The following TSPAN1 variants were observed in gnomAD, a reference collection of about 807,000 sequenced individuals.
TSPAN1 encodes tetraspanin 1, also known as tetraspanin-1.
Under a neutral mutation model 26.9 loss-of-function variants are expected in TSPAN1, and 23 were observed. The ratio of observed to expected loss-of-function variants is 0.85; its 90% CI spans 0.62 to 1.21. The LOEUF is 1.21. Among genes scored for constraint, TSPAN1 ranks in the 50% most tolerant of loss-of-function variants. The pLI, the probability that TSPAN1 is intolerant of heterozygous loss-of-function variation, is 0.00. For synonymous variants in TSPAN1, 115 were observed against 114.8 expected, an observed-to-expected ratio of 1.00 and a Z score of -0.01; for missense variants, 283 against 298.4, an observed-to-expected ratio of 0.95 and a Z score of 0.38.
Position 46,185,835 on chromosome 1 carries a change from ATC to A in TSPAN1, c.*303_*304del. ...GATATGCCCCCTAGGCCTAGTGGTG[ATC>A]CCAGTGCTCTACTGGGGGATGAGAG... is the stretch of plus-strand genomic sequence containing the variant. On this transcript the variant is annotated 3_prime_UTR_variant, in exon 9 of 9. Coordinates refer to ENST00000372003, the MANE Select transcript of TSPAN1 (RefSeq NM_005727.4). 8.4e-6 allele frequency: 4 copies of A among 478,578 alleles called. No individual in the cohort carries two copies. The highest frequency in any genetic ancestry group is 1.1e-5 in the Non-Finnish European group (3 of 266,338). The allele number at this position is 478,578 out of a possible 1,614,324, so 29.6% of individuals were successfully genotyped here.
chr1:46,178,025 TA>T (rs1657222987), intron 1 of TSPAN1, among the ~76,000 whole-genome samples: 1 of 152,150 alleles, frequency 6.6e-6, no homozygotes, highest in African/African-American at 2.4e-5. Flanking sequence ...ACCAGGGCCA[TA>T]GATGAATGTA....
At chr1:46,187,133 A>C (rs1481012193), downstream of TSPAN1, among the ~76,000 whole-genome samples, 1 of 152,158 alleles carries the variant, frequency 6.6e-6, no homozygotes, top group Non-Finnish European at 1.5e-5. Context: ...CTTTAGCCCT[A>C]ACTATCCCTA....
downstream of TSPAN1, among the ~76,000 whole-genome samples, chr1:46,188,523 G>C (rs886088092): frequency 1.3e-5 from 2 of 152,180 alleles, no homozygotes; most frequent in Non-Finnish European, 2.9e-5. Context: ...AAAAACCTTG[G>C]AGTTTGAGAC....
the TSPAN1 span, chr1:46,195,419 G>C: frequency 2.7e-6 from 1 of 372,734 alleles, no homozygotes; most frequent in Non-Finnish European, 5.2e-6. Flanking sequence ...CTCCTTGCAG[G>C]GGCCTTCTCT....
Position 46,184,139 on chromosome 1 carries a change from G to A in TSPAN1, c.58-52G>A, listed in dbSNP as rs549417549. The A allele has an allele frequency of 2.9e-5, 46 of 1,589,548 alleles. 1 individual carries two copies. In the South Asian group the frequency reaches 4.4e-4, roughly 15 times the overall value. On this transcript the variant is annotated intron_variant, in intron 3 of 8. Transcript: ENST00000372003. Reference sequence around the variant, plus strand: ...ATCCTTCTTACTCAGCTGTGTGGTAGTAAGCTACTTGCCAGCACTGTTTAA... The same window carrying A: ...ATCCTTCTTACTCAGCTGTGTGGTAATAAGCTACTTGCCAGCACTGTTTAA...
At chr1:46,186,536 G>C (rs963905816), downstream of TSPAN1, among the ~76,000 whole-genome samples, 2 of 149,378 alleles carry the variant, frequency 1.3e-5, no homozygotes, top group African/African-American at 4.9e-5. Flanking sequence ...TGTTGCCCAG[G>C]CTGGAGTGCA....
chr1:46,182,833 G>A (rs1657344630), intron 3 of TSPAN1, among the ~76,000 whole-genome samples: 1 of 152,070 alleles, frequency 6.6e-6, no homozygotes, highest in South Asian at 2.1e-4. Context: ...CTTTGAGACA[G>A]GATCTTGCTT....
Position 46,184,376 on chromosome 1 carries a change from G to C in TSPAN1, c.243G>C (p.Glu81Asp), listed in dbSNP as rs762301381. The change falls in exon 4 of 9, where the codon GAG (glutamate) becomes GAC (aspartate). Residue 81 changes from glutamate to aspartate, a missense_variant. Coordinates refer to ENST00000372003, the MANE Select transcript of TSPAN1 (RefSeq NM_005727.4). ...TGGGCTGCTATGGTGCTAAGACTGA[G>C]AGCAAGTGTGCCCTCGTGACGGTGT... ...GFLGCYGAKTESKCALVTFFF... is the reference protein window; with the variant it reads ...GFLGCYGAKTDSKCALVTFFF... 3 of 1,614,128 alleles carry C rather than the reference G, an allele frequency of 1.9e-6. No homozygotes were observed. The highest frequency in any genetic ancestry group is 2.2e-5 in the East Asian group (1 of 44,886).
the TSPAN1 span, chr1:46,193,396 A>G: frequency 6.2e-7 from 1 of 1,610,704 alleles, no homozygotes; most frequent in Admixed American, 1.7e-5. Flanking sequence ...TTCCTGGGGG[A>G]CATGGCCACT....
chr1:46,193,611 C>T, the TSPAN1 span: 9 of 1,614,044 alleles, frequency 5.6e-6, no homozygotes, highest in Non-Finnish European at 7.6e-6. Context: ...GGAGACACCC[C>T]CTGGGCTGAA....
chr1:46,194,076 T>G, the TSPAN1 span: 24 of 1,534,464 alleles, frequency 1.6e-5, no homozygotes, highest in Admixed American at 4.0e-5. Flanking sequence ...CTCCACACAC[T>G]CAGCCCAACT....
Position 46,184,264 on chromosome 1 carries a change from G to A in TSPAN1, c.131G>A (p.Gly44Glu). 6.2e-7 allele frequency: 1 copy of A among 1,614,106 alleles called. No homozygotes were observed. The highest frequency in any genetic ancestry group is 1.1e-5 in the South Asian group (1 of 91,074). Residue 44 changes from glycine to glutamate, a missense_variant, in exon 4 of 9, where the codon GGG (glycine) becomes GAG (glutamate). Transcript: ENST00000372003. ...GGGGCATCCTTTCTGAAGATCTTCG[G>A]GCCACTGTCGTCCAGTGCCATGCAG... Reference protein sequence around the residue: ...IDGASFLKIFGPLSSSAMQFV... With the variant: ...IDGASFLKIFEPLSSSAMQFV...
chr1:46,176,372 T>C lies in TSPAN1; in HGVS notation c.-142+963T>C, dbSNP rs1423639330. The C allele has an allele frequency of 1.3e-6, 2 of 1,535,726 alleles. 1 individual carries two copies. The highest frequency in any genetic ancestry group is 1.7e-6 in the Non-Finnish European group (2 of 1,146,906). ...TATCTTCTGCGGCTACACTTGAACA[T>C]CCTGGGAAATCGGGGCCTGGGCCAG... On this transcript the variant is annotated intron_variant, in intron 1 of 8. Coordinates refer to ENST00000372003, the MANE Select transcript of TSPAN1 (RefSeq NM_005727.4).
the TSPAN1 span, chr1:46,193,629 A>G: frequency 1.9e-6 from 3 of 1,614,084 alleles, no homozygotes; most frequent in Non-Finnish European, 2.5e-6. Flanking sequence ...GAAAGCAGAG[A>G]GCGCAGCATC....
In TSPAN1 at chr1:46,184,193, G is replaced by A. The variant is rs749913198; in HGVS notation, c.60G>A (p.Leu20=). The change falls in exon 4 of 9, where the codon CTG becomes CTA. Residue 20 remains leucine, a splice_region_variant and synonymous_variant. Transcript: ENST00000372003. ...CTGCCTGACCTCTCTCTCCCCAGCTGTGTGGTGCAGCCCTGTTGGCAGTGG... is the reference window on the plus strand; with the variant it reads ...CTGCCTGACCTCTCTCTCCCCAGCTATGTGGTGCAGCCCTGTTGGCAGTGG... ...MMILFNLLIF[L]CGAALLAVGI... The A allele has an allele frequency of 8.1e-6, 13 of 1,614,052 alleles. No individual in the cohort carries two copies. Among genetic ancestry groups the A allele is most frequent in the Non-Finnish European group, 1.1e-5 (13 of 1,180,024 alleles).
At chr1:46,176,448 A>ACGGACAAGC in intron 1 of TSPAN1, 1 of 1,535,748 alleles carries the variant, frequency 6.5e-7, no homozygotes, top group Non-Finnish European at 8.7e-7. Context: ...GCCGAGGGCC[A>ACGGACAAGC]CGGACAAGCC....
downstream of TSPAN1, among the ~76,000 whole-genome samples, chr1:46,187,492 C>G (rs760149781): frequency 1.3e-5 from 2 of 152,150 alleles, no homozygotes; most frequent in Admixed American, 6.5e-5. Context: ...ACCACCACCC[C>G]CTTGCTGAGC....
At chr1:46,191,748 C>G in the TSPAN1 span, 1 of 351,722 alleles carries the variant, frequency 2.8e-6, no homozygotes, top group Non-Finnish European at 5.6e-6. Flanking sequence ...CATTCTCCTG[C>G]CTCAGCCTCC....
chr1:46,185,447 A>G lies in TSPAN1; in HGVS notation c.679-39A>G, dbSNP rs371341960. On this transcript the variant is annotated intron_variant, in intron 8 of 8. Transcript: ENST00000372003. ...CTGTGGGACAGGCTTCAGGATCCCT[A>G]TCATGTTCCCTCATCTCTCCCTGTT... 9 of 1,613,422 alleles carry G rather than the reference A, an allele frequency of 5.6e-6. No individual in the cohort carries two copies. In the African/African-American group the frequency reaches 6.7e-5, roughly 12 times the overall value.
Sources: gnomAD v4.1 joint callset for allele counts (sites outside exome capture counted in the v4.1 genomes callset) on GRCh38, gnomAD v4.1.1 for gene constraint, MANE v1.5 for transcripts, NCBI Gene and HGNC (gene_info 2026-07-23, HGNC 2026-07-21) for gene names.